The following VPS4B variants were observed in gnomAD, a reference collection of about 807,000 sequenced individuals.
VPS4B encodes vacuolar protein sorting-associated protein 4B.
A neutral mutation model predicts 56.1 loss-of-function variants in VPS4B; 23 were observed. The ratio of observed to expected loss-of-function variants is 0.41; its 90% confidence interval spans 0.30 to 0.58. VPS4B has a LOEUF of 0.58. VPS4B is among the 20% of genes least tolerant of loss of function. The pLI, the probability that VPS4B is intolerant of heterozygous loss-of-function variation, is 0.29. For missense variants in VPS4B, 372 were observed against 531.9 expected (o/e 0.70, Z 2.96); for synonymous variants, 177 against 186.0 (o/e 0.95, Z 0.39).
intron 10 of VPS4B, among the ~76,000 whole-genome samples, chr18:63,391,904 T>A (rs1915556684): frequency 2.0e-5 from 3 of 152,174 alleles, no homozygotes; most frequent in African/African-American, 7.2e-5. Context: ...AACTAACTTC[T>A]AAGCCTAGAC....
chr18:63,393,350 G>T, intron 10 of VPS4B, 59 bp downstream of exon 10: 1 of 1,427,440 alleles, frequency 7.0e-7, no homozygotes, highest in Non-Finnish European at 9.3e-7. Flanking sequence ...TTATATAACT[G>T]AAAATTATGA....
chr18:63,397,242 C>A lies in VPS4B; in HGVS notation c.884G>T (p.Arg295Leu). ...GGGTTCCGGCAAGGGAATATAAATT[C>A]GTTTCTCAAATCTTAAAAGAGAAAT... ...DSAIRRRFEK[R>L]IYIPLPEPHA... The change falls in exon 9 of 11, where the codon CGA (arginine) becomes CTA (leucine). Residue 295 changes from arginine to leucine, a missense_variant. This residue lies in a region of VPS4B where 153 missense variants were observed against 190.9 expected (regional missense o/e 0.80). Transcript: ENST00000238497. 6.3e-7 allele frequency: 1 copy of A among 1,597,940 alleles called. No homozygotes were observed. Among genetic ancestry groups the A allele is most frequent in the Non-Finnish European group, 8.5e-7 (1 of 1,173,070 alleles).
intron 2 of VPS4B, 22 bp from the exon 3 acceptor site, chr18:63,410,468 G>C (rs780261293): frequency 6.2e-7 from 1 of 1,605,756 alleles, no homozygotes; most frequent in Admixed American, 1.7e-5. Flanking sequence ...AAATGAGAGA[G>C]ATTTTTTTCC....
chr18:63,406,387 T>A (rs1915917246), intron 4 of VPS4B, among the ~76,000 whole-genome samples: 1 of 152,248 alleles, frequency 6.6e-6, no homozygotes, highest in Admixed American at 6.5e-5. Flanking sequence ...ACAAAAATAC[T>A]ACCAAAACGA....
At chr18:63,417,394 TC>T (rs1916192906) in intron 1 of VPS4B, among the ~76,000 whole-genome samples, 1 of 152,086 alleles carries the variant, frequency 6.6e-6, no homozygotes, top group Non-Finnish European at 1.5e-5. Flanking sequence ...TTCTTGATCT[TC>T]TGACATTTTA....
chr18:63,400,889 A>G (rs1289361844), intron 5 of VPS4B, among the ~76,000 whole-genome samples, 186 bp from the exon 6 acceptor site: 2 of 152,258 alleles, frequency 1.3e-5, no homozygotes, highest in East Asian at 1.9e-4. Context: ...CTTTATCAAA[A>G]AGAGACTTGC....
rs1916139313 is a variant in VPS4B at position 63,415,394 on chromosome 18, C to G, written c.28-3816G>C. 1.9e-5 allele frequency: 5 copies of G among 264,172 alleles called. No homozygotes were observed. In the South Asian group the frequency reaches 2.4e-4, roughly 13 times the overall value. The allele number at this position is 264,172 out of a possible 1,614,324, so 16.4% of individuals were successfully genotyped here. ...CTGGCTACTGCTATCTCAAAGTCCT[C>G]CTGGGTGACATGCACTCGCCGTTCC... On this transcript the variant is annotated intron_variant, in intron 1 of 10. Transcript: ENST00000238497.
chr18:63,393,056 G>A (rs754639872), intron 10 of VPS4B, among the ~76,000 whole-genome samples: 2 of 152,012 alleles, frequency 1.3e-5, no homozygotes, highest in Non-Finnish European at 2.9e-5. Flanking sequence ...AATCTGAGAT[G>A]CAGGGGAAAA....
At chr18:63,408,711 C>T (rs999298654) in intron 3 of VPS4B, among the ~76,000 whole-genome samples, 7 of 152,218 alleles carry the variant, frequency 4.6e-5, no homozygotes, top group Admixed American at 4.6e-4. Context: ...TTGGCCATTT[C>T]TCCTGATTCC....
chr18:63,393,549 C>A lies in VPS4B; in HGVS notation c.1093G>T (p.Val365Phe). 6.4e-7 allele frequency: 1 copy of A among 1,573,116 alleles called. No individual in the cohort carries two copies. Among genetic ancestry groups the A allele is most frequent in the Non-Finnish European group, 8.6e-7 (1 of 1,162,608 alleles). The part of the protein sequence containing the change: ...KVQSATHFKK[V>F]RGPSRADPNH... Reference sequence around the variant, plus strand: ...GGATCAGCTCGGGAAGGTCCGCGAACCTGAAATAAACAGTAATCTGAAATA... The same window carrying A: ...GGATCAGCTCGGGAAGGTCCGCGAAACTGAAATAAACAGTAATCTGAAATA... The change falls in exon 10 of 11, where the codon GTT becomes TTT. Residue 365 changes from valine to phenylalanine, a missense_variant and splice_region_variant. Coordinates refer to ENST00000238497, the MANE Select transcript of VPS4B (RefSeq NM_004869.4).
At chr18:63,392,956 G>A (rs1033358376) in intron 10 of VPS4B, among the ~76,000 whole-genome samples, 1 of 151,920 alleles carries the variant, frequency 6.6e-6, no homozygotes, top group Non-Finnish European at 1.5e-5. Flanking sequence ...ATGTTGGCCA[G>A]GCCAGTTTCA....
intron 5 of VPS4B, among the ~76,000 whole-genome samples, chr18:63,402,180 G>C (rs1289132424): frequency 6.6e-6 from 1 of 152,180 alleles, no homozygotes; most frequent in African/African-American, 2.4e-5. Flanking sequence ...GTCAGTGTCT[G>C]AGTATGGTAC....
intron 5 of VPS4B, among the ~76,000 whole-genome samples, chr18:63,401,636 T>G (rs1250470978): frequency 2.6e-5 from 4 of 152,144 alleles, no homozygotes; most frequent in Non-Finnish European, 5.9e-5. Context: ...TAATGAGCAA[T>G]TATAATCCTG....
intron 9 of VPS4B, among the ~76,000 whole-genome samples, chr18:63,394,098 A>G (rs1915616801): frequency 6.6e-6 from 1 of 152,118 alleles, no homozygotes; most frequent in South Asian, 2.1e-4. Context: ...AATTGCTTGT[A>G]TGATCACACA....
At chr18:63,400,511 A>G (rs1226063547) in intron 6 of VPS4B, 36 bp downstream of exon 6, 6 of 1,584,014 alleles carry the variant, frequency 3.8e-6, no homozygotes, top group East Asian at 2.2e-5. Context: ...AATTACAGGC[A>G]AAGAAAAAAC....
At position 63,400,770 on chromosome 18, in the gene VPS4B, A is replaced by C. The variant is rs945088371; in HGVS notation, c.485-67T>G. The C allele has an allele frequency of 2.1e-6, 3 of 1,448,482 alleles. No homozygotes were observed. In the African/African-American group the frequency reaches 4.4e-5, roughly 21 times the overall value. The allele number at this position is 1,448,482 out of a possible 1,614,324, so 89.7% of individuals were successfully genotyped here. On this transcript the variant is annotated intron_variant, in intron 5 of 10. Coordinates refer to ENST00000238497, the MANE Select transcript of VPS4B (RefSeq NM_004869.4). The stretch of plus-strand genomic sequence containing the variant: ...CTTAATTGTATCATCTATACTGAGG[A>C]ATACTCTGGAAAGATTTTCACTCTA...
At position 63,391,020 on chromosome 18, in the gene VPS4B, C is replaced by T; in HGVS notation, c.1290G>A (p.Leu430=). Residue 430 remains leucine, a synonymous_variant, in exon 11 of 11, where the codon TTG becomes TTA. Coordinates refer to ENST00000238497, the MANE Select transcript of VPS4B (RefSeq NM_004869.4). ...CTTCTGTAAACTTCTTTAATTTCAA[C>T]AAGTCATGTTCATTGACTGTAGGTT... ...NTKPTVNEHD[L]LKLKKFTEDF... 6.2e-7 allele frequency: 1 copy of T among 1,613,636 alleles called. No homozygotes were observed. Among genetic ancestry groups the T allele is most frequent in the Non-Finnish European group, 8.5e-7 (1 of 1,179,762 alleles).
chr18:63,420,143 A>G (rs1916261488), intron 1 of VPS4B, among the ~76,000 whole-genome samples: 1 of 152,158 alleles, frequency 6.6e-6, no homozygotes, highest in East Asian at 1.9e-4. Context: ...CCAACAGTCC[A>G]ATTCAAGTAT....
chr18:63,413,474 G>T (rs976710838), intron 1 of VPS4B, among the ~76,000 whole-genome samples: 2 of 151,218 alleles, frequency 1.3e-5, no homozygotes, highest in African/African-American at 4.9e-5. Context: ...GGGAGGCGGT[G>T]GTTGCAGTGA....
Sources: allele counts gnomAD v4.1 joint callset (sites outside exome capture counted in the v4.1 genomes callset), GRCh38; gene constraint gnomAD v4.1.1; regional missense constraint gnomAD v4.1.1; transcripts MANE v1.5; gene names NCBI Gene and HGNC (gene_info 2026-07-23, HGNC 2026-07-21).